The following GRM8 variants were observed in gnomAD, a reference collection of about 807,000 sequenced individuals.
GRM8 encodes glutamate metabotropic receptor 8.
A neutral mutation model predicts 87.2 loss-of-function variants in GRM8; 47 were observed. The observed-to-expected ratio is 0.54, with a 90% confidence interval of 0.43 to 0.69. The LOEUF (loss-of-function observed/expected upper bound fraction) is 0.69, where lower values mean the gene tolerates loss of function less well. Ranked by LOEUF, GRM8 falls within the 30% of genes least tolerant of loss-of-function variation. The probability of loss-of-function intolerance (pLI) is 0.00; values close to 1 mark genes in which losing one functional copy is unlikely to be tolerated. For missense variants in GRM8, 1,019 were observed against 1,139.2 expected (o/e 0.89, Z 1.52); for synonymous variants, 396 against 404.5 (o/e 0.98, Z 0.25).
At chr7:126,734,783 C>A (rs999063386) in intron 7 of GRM8, among the ~76,000 whole-genome samples, 3 of 151,804 alleles carry the variant, frequency 2.0e-5, no homozygotes, top group Admixed American at 1.3e-4. Context: ...GACCTGTGAA[C>A]AAGATATAAT....
intron 7 of GRM8, among the ~76,000 whole-genome samples, chr7:126,759,547 G>C (rs958198147): frequency 6.6e-6 from 1 of 152,066 alleles, no homozygotes; most frequent in African/African-American, 2.4e-5. Context: ...TCACATTTCT[G>C]TTCCTATATC....
chr7:126,540,729 T>C (rs2150893694), intron 8 of GRM8, among the ~76,000 whole-genome samples: 1 of 152,280 alleles, frequency 6.6e-6, no homozygotes, highest in South Asian at 2.1e-4. Context: ...ACATCCAGAA[T>C]AGGCAAATCC....
intron 9 of GRM8, among the ~76,000 whole-genome samples, chr7:126,527,232 T>A (rs1233034547): frequency 2.6e-5 from 4 of 152,142 alleles, no homozygotes; most frequent in East Asian, 3.9e-4. Context: ...GTGGTGCACA[T>A]CTGTAATCCT....
chr7:126,973,525 A>G (rs2131795387), intron 3 of GRM8, among the ~76,000 whole-genome samples: 1 of 152,294 alleles, frequency 6.6e-6, no homozygotes, highest in Non-Finnish European at 1.5e-5. Context: ...AGAGAAACCA[A>G]TGAATGTCAG....
chr7:126,943,296 C>T (rs1332198926), intron 3 of GRM8, among the ~76,000 whole-genome samples: 1 of 152,206 alleles, frequency 6.6e-6, no homozygotes, highest in African/African-American at 2.4e-5. Flanking sequence ...CCCTGGGTTT[C>T]TGAGTCCCTT....
chr7:127,119,763 G>A lies in GRM8; in HGVS notation c.511-13051C>T, dbSNP rs955101185. On this transcript the variant is annotated intron_variant, in intron 2 of 10. Coordinates refer to ENST00000339582, the MANE Select transcript of GRM8 (RefSeq NM_000845.3). ...CAACAAGTATTTGTTAAGCACTTAC[G>A]ATATGTCAACACTCTCTTACTTGGC... is the stretch of plus-strand genomic sequence containing the variant. Among the ~76,000 whole-genome samples the A allele has an allele frequency of 3.3e-5, 5 of 152,092 alleles. No homozygotes were observed. In the East Asian group the frequency reaches 7.7e-4, roughly 24 times the overall value.
rs572008940 is a variant in GRM8 at position 126,531,371 on chromosome 7, A to G, written c.2430+1581T>C. On this transcript the variant is annotated intron_variant, in intron 9 of 10. Transcript: ENST00000339582. ...ATGTGTCTTTCAGTGTGCTTCTTAG[A>G]TTTAGTTTGATTTCAGAAAGCTAAG... Among the ~76,000 whole-genome samples, 41 of 152,288 alleles carry G rather than the reference A, an allele frequency of 2.7e-4. No individual in the cohort carries two copies. In the South Asian group the frequency reaches 5.0e-3, roughly 18 times the overall value.
At chr7:126,491,434 T>C (rs944977844) in intron 9 of GRM8, among the ~76,000 whole-genome samples, 2 of 152,092 alleles carry the variant, frequency 1.3e-5, no homozygotes, top group African/African-American at 4.8e-5. Context: ...TACATTTTCA[T>C]AAAAACTTTA....
At chr7:126,967,301 T>C (rs1809975307) in intron 3 of GRM8, among the ~76,000 whole-genome samples, 1 of 152,208 alleles carries the variant, frequency 6.6e-6, no homozygotes, top group Non-Finnish European at 1.5e-5. Context: ...TCCAAATCCA[T>C]TTAACAGCAA....
At chr7:126,923,602 G>T (rs547318215) in intron 3 of GRM8, among the ~76,000 whole-genome samples, 51 of 152,276 alleles carry the variant, frequency 3.3e-4, no homozygotes, top group Admixed American at 7.2e-4. Context: ...ACAAGAAAAT[G>T]AAATTCAGTG....
chr7:126,722,216 T>G (rs1327969950), intron 7 of GRM8, among the ~76,000 whole-genome samples: 2 of 152,176 alleles, frequency 1.3e-5, no homozygotes. Flanking sequence ...AAACTAAGTG[T>G]ATTTTCTCTC....
chr7:126,635,287 C>T lies in GRM8; in HGVS notation c.1358-25789G>A, dbSNP rs917322385. Among the ~76,000 whole-genome samples, 8 of 152,160 alleles carry T rather than the reference C, an allele frequency of 5.3e-5. No individual in the cohort carries two copies. In the East Asian group the frequency reaches 1.4e-3, roughly 26 times the overall value. On this transcript the variant is annotated intron_variant, in intron 7 of 10. Transcript: ENST00000339582. ...TTTCATTTTCTTCAACATGAATTCCCGTTTGAAAAGAGTTAATGCCTTATA... is the reference window on the plus strand; with the variant it reads ...TTTCATTTTCTTCAACATGAATTCCTGTTTGAAAAGAGTTAATGCCTTATA...
intron 2 of GRM8, among the ~76,000 whole-genome samples, chr7:127,120,562 A>G (rs371956875): frequency 7.2e-5 from 11 of 152,308 alleles, no homozygotes; most frequent in South Asian, 4.1e-4. Flanking sequence ...CGTGTTCACA[A>G]TAAAATTGGA....
At chr7:126,595,913 G>C (rs1797141530) in intron 8 of GRM8, among the ~76,000 whole-genome samples, 1 of 152,190 alleles carries the variant, frequency 6.6e-6, no homozygotes, top group African/African-American at 2.4e-5. Context: ...AAAGCAGCCA[G>C]ATCATTTCAG....
chr7:126,458,397 A>G (rs113842602), intron 9 of GRM8, among the ~76,000 whole-genome samples: 8,664 of 151,274 alleles, frequency 0.057, 337 homozygotes, highest in Middle Eastern at 0.1. Context: ...TAATATTAAT[A>G]TAGGACAAAA....
rs1181998344 is a variant in GRM8, at chr7:126,576,437, C to A, written c.1494+32925G>T. Among the ~76,000 whole-genome samples, 5 of 152,194 alleles carry A rather than the reference C, an allele frequency of 3.3e-5. No homozygotes were observed. The East Asian group carries it at 9.7e-4, about 30-fold the overall frequency. Reference sequence around the variant, plus strand: ...AACTGGAACTACATGCACAAGCCACCATGCCCAGATAATTTTTGTATTTTT... The same window carrying A: ...AACTGGAACTACATGCACAAGCCACAATGCCCAGATAATTTTTGTATTTTT... On this transcript the variant is annotated intron_variant, in intron 8 of 10. Coordinates refer to ENST00000339582, the MANE Select transcript of GRM8 (RefSeq NM_000845.3).
At chr7:127,005,848 G>A (rs1364365074) in intron 3 of GRM8, among the ~76,000 whole-genome samples, 1 of 151,810 alleles carries the variant, frequency 6.6e-6, no homozygotes, top group Non-Finnish European at 1.5e-5. Flanking sequence ...CTGATTTTAT[G>A]TAAACTTTTA....
chr7:126,917,630 G>A (rs184595471), intron 3 of GRM8, among the ~76,000 whole-genome samples: 42 of 152,182 alleles, frequency 2.8e-4, no homozygotes, highest in African/African-American at 8.2e-4. Flanking sequence ...AGCTATTGAG[G>A]AGTCAAATGC....
chr7:127,003,823 T>G (rs1813988428), intron 3 of GRM8, among the ~76,000 whole-genome samples: 1 of 151,752 alleles, frequency 6.6e-6, no homozygotes, highest in Non-Finnish European at 1.5e-5. Context: ...AACAGAGAGA[T>G]AATCCAACTA....
Sources: allele counts gnomAD v4.1 joint callset (sites outside exome capture counted in the v4.1 genomes callset), GRCh38; gene constraint gnomAD v4.1.1; transcripts MANE v1.5; gene names NCBI Gene and HGNC (gene_info 2026-07-23, HGNC 2026-07-21).